Variants in PRDM16 observed in about 807,000 individuals in gnomAD.
PRDM16 encodes histone-lysine N-methyltransferase PRDM16.
Under a neutral mutation model 110.6 loss-of-function variants are expected in PRDM16, and 23 were observed. The ratio of observed to expected loss-of-function variants is 0.21; its 90% CI spans 0.15 to 0.29. The LOEUF is 0.29. PRDM16 is among the 10% of genes least tolerant of loss of function. The probability of loss-of-function intolerance (pLI) is 1.00; values close to 1 mark genes in which losing one functional copy is unlikely to be tolerated. For missense variants in PRDM16, 1,615 were observed against 1,794.3 expected (o/e 0.90, Z 1.81); for synonymous variants, 799 against 781.8 (o/e 1.02, Z -0.37).
intron 1 of PRDM16, among the ~76,000 whole-genome samples, chr1:3,131,562 C>T (rs1569640027): frequency 6.6e-6 from 1 of 152,338 alleles, no homozygotes; most frequent in Non-Finnish European, 1.5e-5. Context: ...AACTCTTATA[C>T]TTCTTTATGC....
intron 10 of PRDM16, among the ~76,000 whole-genome samples, chr1:3,416,012 C>T (rs1240961470): frequency 6.6e-6 from 1 of 152,220 alleles, no homozygotes; most frequent in African/African-American, 2.4e-5. Context: ...GCTCATCACT[C>T]GTTCTCATCA....
At position 3,209,012 on chromosome 1, in the gene PRDM16, G is replaced by C. The variant is rs1220332302; in HGVS notation, c.387+22538G>C. Reference sequence around the variant, plus strand: ...TGTAGTGACCACCTGCTTCTCAGCAGGTGGCTGGGACTTAACTCTCAAGGG... The same window carrying C: ...TGTAGTGACCACCTGCTTCTCAGCACGTGGCTGGGACTTAACTCTCAAGGG... On this transcript the variant is annotated intron_variant, in intron 2 of 16. Coordinates refer to ENST00000270722, the MANE Select transcript of PRDM16 (RefSeq NM_022114.4). This position sits in a 1 kb window ranked among gnomAD's most constrained non-coding sequence, Gnocchi z 4.6. 5.3e-5 allele frequency among the ~76,000 whole-genome samples: 8 copies of C among 152,212 alleles called. No individual in the cohort carries two copies. The highest frequency in any genetic ancestry group is 5.2e-4 in the Admixed American group (8 of 15,290).
chr1:3,426,860 C>T (rs1638622345), intron 14 of PRDM16, among the ~76,000 whole-genome samples: 1 of 152,188 alleles, frequency 6.6e-6, no homozygotes, highest in Admixed American at 6.5e-5. Context: ...GTGGTCTGGG[C>T]ATGGGCAGTC....
intron 2 of PRDM16, among the ~76,000 whole-genome samples, chr1:3,189,480 G>T (rs1265530633): frequency 6.6e-6 from 1 of 152,194 alleles, no homozygotes; most frequent in South Asian, 2.1e-4. Flanking sequence ...CCCAGGTCAG[G>T]CCTGGGACAA....
chr1:3,401,323 G>T (rs6424075), intron 5 of PRDM16, among the ~76,000 whole-genome samples: 45,565 of 152,048 alleles, frequency 0.3, 7,299 homozygotes, highest in Non-Finnish European at 0.35. Flanking sequence ...CCCCGTCTCC[G>T]CGGCAATCCT....
chr1:3,175,175 G>A lies in PRDM16; in HGVS notation c.38-10950G>A, dbSNP rs997755405. Reference sequence around the variant, plus strand: ...TTACCGCACAGTTTTAAAGACAGAAGAACAAGATAGAACTCCATCAGTTCC... The same window carrying A: ...TTACCGCACAGTTTTAAAGACAGAAAAACAAGATAGAACTCCATCAGTTCC... On this transcript the variant is annotated intron_variant, in intron 1 of 16. Transcript: ENST00000270722. The surrounding 1 kb of genome is among the most constrained non-coding windows in gnomAD (Gnocchi z 4.8). 6.6e-6 allele frequency among the ~76,000 whole-genome samples: 1 copy of A among 152,196 alleles called. No individual in the cohort carries two copies. The highest frequency in any genetic ancestry group is 1.5e-5 in the Non-Finnish European group (1 of 68,030).
At chr1:3,368,964 G>A (rs577142606) in intron 3 of PRDM16, among the ~76,000 whole-genome samples, 29 of 152,312 alleles carry the variant, frequency 1.9e-4, no homozygotes, top group Admixed American at 3.9e-4. Context: ...TGGGGTTGGC[G>A]GATGCAGTTC....
intron 1 of PRDM16, among the ~76,000 whole-genome samples, chr1:3,120,827 C>A (rs1643078327): frequency 1.3e-5 from 2 of 152,180 alleles, no homozygotes; most frequent in African/African-American, 4.8e-5. Context: ...AGGCTGCCGG[C>A]CCCAGAAAGA....
intron 3 of PRDM16, among the ~76,000 whole-genome samples, chr1:3,313,908 C>A (rs922096334): frequency 6.6e-6 from 1 of 152,230 alleles, no homozygotes; most frequent in Non-Finnish European, 1.5e-5. Context: ...ACACTGTTCG[C>A]GCCCTGGCTG....
intron 3 of PRDM16, among the ~76,000 whole-genome samples, chr1:3,321,393 AGTGTGTGCATT>A (rs1641741283): frequency 7.1e-6 from 1 of 140,598 alleles, no homozygotes; most frequent in African/African-American, 2.7e-5. Context: ...GGTCTCTGTG[AGTGTGTGCATT>A]TGTGAGTGTA....
chr1:3,097,773 C>T (rs955197291), intron 1 of PRDM16, among the ~76,000 whole-genome samples: 7 of 152,128 alleles, frequency 4.6e-5, no homozygotes, highest in African/African-American at 7.2e-5. Flanking sequence ...TGTGAGGGGG[C>T]GGGAGGCAGC....
intron 10 of PRDM16, among the ~76,000 whole-genome samples, chr1:3,416,393 C>G (rs1638263600): frequency 6.6e-6 from 1 of 152,162 alleles, no homozygotes; most frequent in Admixed American, 6.5e-5. Flanking sequence ...GGGCTAGGGT[C>G]TTGCTGTAAA....
At chr1:3,295,964 T>C (rs1641080394) in intron 3 of PRDM16, among the ~76,000 whole-genome samples, 1 of 151,796 alleles carries the variant, frequency 6.6e-6, no homozygotes, top group Non-Finnish European at 1.5e-5. Flanking sequence ...CAGAAGAGCT[T>C]GTGCAGTGGA....
At position 3,433,715 on chromosome 1, in the gene PRDM16, T is replaced by C. The variant is rs1638835151; in HGVS notation, c.3735T>C (p.Pro1245=). 1 of 1,613,952 alleles carries C rather than the reference T, an allele frequency of 6.2e-7. No individual in the cohort carries two copies. Among genetic ancestry groups the C allele is most frequent in the Admixed American group, 1.7e-5 (1 of 60,018 alleles). ...AMMLSLSEDT[P]LHTPSQGSLD... ...TGCTGTCCCTTTCCGAAGACACTCCTCTCCACACCCCCTCCCAGGGTTCTC... is the reference window on the plus strand; with the variant it reads ...TGCTGTCCCTTTCCGAAGACACTCCCCTCCACACCCCCTCCCAGGGTTCTC... Residue 1245 remains proline (P), a synonymous_variant, in exon 17 of 17, where the codon CCT becomes CCC. Coordinates refer to ENST00000270722, the MANE Select transcript of PRDM16 (RefSeq NM_022114.4).
At chr1:3,418,134 C>G in intron 11 of PRDM16, 137 bp downstream of exon 11, 1 of 732,870 alleles carries the variant, frequency 1.4e-6, no homozygotes, top group East Asian at 2.8e-5. Flanking sequence ...AGCTGGTTAT[C>G]TGCTTGAGGT....
chr1:3,142,889 G>T lies in PRDM16; in HGVS notation c.38-43236G>T, dbSNP rs577386513. Among the ~76,000 whole-genome samples, 39 of 152,280 alleles carry T rather than the reference G, an allele frequency of 2.6e-4. No individual in the cohort carries two copies. The South Asian group carries it at 7.5e-3, about 29-fold the overall frequency. On this transcript the variant is annotated intron_variant, in intron 1 of 16. Transcript: ENST00000270722. ...GGAGGGTAGCCCAGGCAAGGGACCG[G>T]CATGGCTGGCCAGACCCTGAGCTGC...
chr1:3,158,615 A>T (rs1172146298), intron 1 of PRDM16, among the ~76,000 whole-genome samples: 1 of 152,088 alleles, frequency 6.6e-6, no homozygotes, highest in African/African-American at 2.4e-5. Context: ...TGGGGGGAAA[A>T]GAGGAGACTG....
At chr1:3,181,675 CGCGCAGTCTT>C (rs1644197517) in intron 1 of PRDM16, among the ~76,000 whole-genome samples, 1 of 140,470 alleles carries the variant, frequency 7.1e-6, no homozygotes, top group Non-Finnish European at 1.5e-5. Flanking sequence ...CAGTCTTACA[CGCGCAGTCTT>C]ACACACGGTC....
At chr1:3,280,947 C>T (rs955166582) in intron 3 of PRDM16, among the ~76,000 whole-genome samples, 1 of 152,198 alleles carries the variant, frequency 6.6e-6, no homozygotes, top group African/African-American at 2.4e-5. Context: ...GTTTTCTCCC[C>T]AGTTCTGAAT....
Sources: allele counts gnomAD v4.1 joint callset (sites outside exome capture counted in the v4.1 genomes callset), GRCh38; gene constraint gnomAD v4.1.1; non-coding constraint Gnocchi (gnomAD v3.1); transcripts MANE v1.5; gene names NCBI Gene and HGNC (gene_info 2026-07-23, HGNC 2026-07-21).